ACSBG2: variants seen among roughly 807,000 people sequenced by gnomAD.
The protein encoded by ACSBG2 is long-chain-fatty-acid--CoA ligase ACSBG2.
In ACSBG2, 62 loss-of-function variants were observed where a neutral mutation model predicts 74.7. That is an observed-to-expected ratio of 0.83 (90% CI 0.68 to 1.03). The LOEUF (loss-of-function observed/expected upper bound fraction) is 1.03. Ranked by LOEUF, ACSBG2 falls within the 50% of genes least tolerant of loss-of-function variation. ACSBG2 has a pLI of 0.00. For synonymous variants in ACSBG2, 309 were observed against 294.1 expected (o/e 1.05, Z -0.52); for missense variants, 730 against 817.6 (o/e 0.89, Z 1.31).
intron 4 of ACSBG2, among the ~76,000 whole-genome samples, chr19:6,154,963 G>A (rs2089369888): frequency 6.6e-6 from 1 of 152,178 alleles, no homozygotes; most frequent in African/African-American, 2.4e-5. Flanking sequence ...GAGCAGGAAA[G>A]CACACATCTC....
intron 7 of ACSBG2, among the ~76,000 whole-genome samples, chr19:6,168,987 C>T (rs1286400735): frequency 6.6e-6 from 1 of 152,164 alleles, no homozygotes; most frequent in Admixed American, 6.5e-5. Context: ...CTATGTTGGG[C>T]AGGCTGGTCT....
rs367590038 is a variant in ACSBG2, at chr19:6,188,479, C to T, written c.1927+634C>T. 3.5e-4 allele frequency among the ~76,000 whole-genome samples: 53 copies of T among 152,024 alleles called. 1 individual carries two copies. Among genetic ancestry groups the T allele is most frequent in the African/African-American group, 1.1e-3 (47 of 41,482 alleles). On this transcript the variant is annotated intron_variant, in intron 13 of 14. Transcript: ENST00000588485. ...AACATGGTGAAATCCTAACTCTACA[C>T]AAAATACAAAAATTAGCTGGGTATG...
chr19:6,153,880 A>AAAGGAAAAGAAAAAAGAAAAG (rs1409021073), intron 4 of ACSBG2, among the ~76,000 whole-genome samples: 29 of 107,730 alleles, frequency 2.7e-4, no homozygotes, highest in Non-Finnish European at 3.7e-4. Context: ...AAAGAAAAGA[A>AAAGGAAAAGAAAAAAGAAAAG]AAGGAAAAGA....
At chr19:6,183,409 C>T (rs2090318087) in intron 10 of ACSBG2, 137 bp downstream of exon 10, 1 of 718,240 alleles carries the variant, frequency 1.4e-6, no homozygotes, top group South Asian at 1.9e-5. Context: ...CTCCAGCCTC[C>T]AAGTCCTAAC....
chr19:6,191,677 A>G (rs1292391179), intron 14 of ACSBG2: 3 of 152,120 alleles, frequency 2.0e-5, no homozygotes, highest in Non-Finnish European at 4.4e-5. Context: ...TTCTATAATG[A>G]TCTAGTTTCC....
chr19:6,154,434 A>AG (rs1568226772), intron 4 of ACSBG2, among the ~76,000 whole-genome samples: 736 of 38,204 alleles, frequency 0.019, 6 homozygotes, highest in African/African-American at 0.028. Flanking sequence ...GAGAGAGAGA[A>AG]AATTATTATT....
In ACSBG2 at chr19:6,187,643, C is replaced by G; in HGVS notation, c.1725C>G (p.Asn575Lys). The G allele has an allele frequency of 6.2e-7, 1 of 1,614,068 alleles. No homozygotes were observed. The highest frequency in any genetic ancestry group is 1.1e-5 in the South Asian group (1 of 91,058). The stretch of plus-strand genomic sequence containing the variant: ...GCGGAGAACCTCTGGACAAGCTGAA[C>G]TTCGAGGCCATCAACTTCTGTCGGG... The part of the protein sequence containing the change: ...QMSGEPLDKL[N>K]FEAINFCRGL... The change falls in exon 13 of 15, where the codon AAC becomes AAG. Residue 575 changes from asparagine to lysine, a missense_variant. Asn to Lys is a moderately conservative substitution (Grantham distance 94). Coordinates refer to ENST00000588485, the MANE Select transcript of ACSBG2 (RefSeq NM_030924.5).
chr19:6,136,153 G>GGAGTACAGTGGCA (rs1568210416), intron 1 of ACSBG2, among the ~76,000 whole-genome samples: 76 of 44,726 alleles, frequency 1.7e-3, no homozygotes, highest in African/African-American at 8.8e-3. Flanking sequence ...TTGCCCAGGC[G>GGAGTACAGTGGCA]CAATCTCGGC....
chr19:6,145,573 C>T (rs1235175734), intron 2 of ACSBG2, among the ~76,000 whole-genome samples: 1 of 152,170 alleles, frequency 6.6e-6, no homozygotes, highest in Non-Finnish European at 1.5e-5. Flanking sequence ...ACACCCAATT[C>T]TCCAAGAGGG....
At chr19:6,146,680 G>A (rs547605249) in intron 2 of ACSBG2, among the ~76,000 whole-genome samples, 8 of 152,240 alleles carry the variant, frequency 5.3e-5, no homozygotes, top group Non-Finnish European at 8.8e-5. Context: ...CAGGAAAAAC[G>A]CTTGAACCCG....
intron 12 of ACSBG2, 38 bp from the exon 13 acceptor site, chr19:6,187,561 C>A: frequency 6.2e-7 from 1 of 1,612,000 alleles, no homozygotes; most frequent in South Asian, 1.1e-5. Context: ...GGGTGCTGGT[C>A]AAGGAGCATG....
intron 6 of ACSBG2, among the ~76,000 whole-genome samples, chr19:6,163,521 A>C (rs139506167): frequency 0.011 from 1,658 of 149,640 alleles, 68 homozygotes; most frequent in African/African-American, 0.015. Flanking sequence ...TGGGTGGATA[A>C]CCTGAGGTCA....
intron 1 of ACSBG2, among the ~76,000 whole-genome samples, chr19:6,140,548 C>T (rs567131177): frequency 1.7e-4 from 26 of 151,898 alleles, no homozygotes; most frequent in Admixed American, 8.5e-4. Flanking sequence ...TAGCTGGGTA[C>T]GGTGGCCTGT....
chr19:6,176,798 G>A (rs2090099913), intron 7 of ACSBG2, among the ~76,000 whole-genome samples: 1 of 152,042 alleles, frequency 6.6e-6, no homozygotes. Context: ...ACAGTGTCTT[G>A]GTCATAGTAG....
rs770558476 is a variant in ACSBG2 at position 6,185,579 on chromosome 19, A to G, written c.1466A>G (p.Glu489Gly). The change falls in exon 11 of 15, where the codon GAA becomes GGA. Residue 489 changes from glutamate (E) to glycine (G), a missense_variant. Transcript: ENST00000588485. ...GAAACTACAGAGGCCATCGATGATG[A>G]AGGCTGGCTACACTCTGGGGATCTG... ...ETETTEAIDD[E>G]GWLHSGDLGQ... 6.2e-7 allele frequency: 1 copy of G among 1,614,200 alleles called. No homozygotes were observed. The highest frequency in any genetic ancestry group is 1.1e-5 in the South Asian group (1 of 91,088).
Position 6,177,673 on chromosome 19 carries a change from C to G in ACSBG2, c.906+277C>G, listed in dbSNP as rs1346511086. 2.0e-5 allele frequency among the ~76,000 whole-genome samples: 3 copies of G among 152,142 alleles called. No individual in the cohort carries two copies. The East Asian group carries it at 5.8e-4, about 29-fold the overall frequency. ...TGAGCAAGATGGCGAAACCCTATCT[C>G]TACAAAAACCAATAATAATAGTAAA... is the stretch of plus-strand genomic sequence containing the variant. On this transcript the variant is annotated intron_variant, in intron 8 of 14. Transcript: ENST00000588485.
chr19:6,140,495 T>C (rs2088780991), intron 1 of ACSBG2, among the ~76,000 whole-genome samples: 1 of 152,132 alleles, frequency 6.6e-6, no homozygotes, highest in African/African-American at 2.4e-5. Context: ...ACCTGGCTAA[T>C]GTGGTGAACC....
intron 13 of ACSBG2, 152 bp downstream of exon 13, chr19:6,187,997 C>T: frequency 8.9e-7 from 1 of 1,125,202 alleles, no homozygotes. Context: ...CTAACTGGTC[C>T]CCAGCTCCTC....
At chr19:6,139,994 C>T (rs1382964101) in intron 1 of ACSBG2, among the ~76,000 whole-genome samples, 13 of 152,146 alleles carry the variant, frequency 8.5e-5, no homozygotes, top group African/African-American at 2.6e-4. Flanking sequence ...GAGGCCGAGG[C>T]GGGCAGATCA....
Sources: gnomAD v4.1 joint callset for allele counts (sites outside exome capture counted in the v4.1 genomes callset) on GRCh38, gnomAD v4.1.1 for gene constraint, MANE v1.5 for transcripts, NCBI Gene and HGNC (gene_info 2026-07-23, HGNC 2026-07-21) for gene names.